The following PPP1R1C variants were observed in gnomAD, a reference collection of about 807,000 sequenced individuals.
PPP1R1C encodes protein phosphatase 1 regulatory subunit 1C.
In PPP1R1C, 15 loss-of-function variants were observed where a neutral mutation model predicts 17.4. That is an observed-to-expected ratio of 0.86 (90% CI 0.58 to 1.33). PPP1R1C has a LOEUF of 1.33. Among genes scored for constraint, PPP1R1C ranks in the 40% most tolerant of loss-of-function variants. PPP1R1C has a pLI of 0.00. For missense variants in PPP1R1C, 143 were observed against 130.0 expected (o/e 1.10, Z -0.48); for synonymous variants, 35 against 43.1 (o/e 0.81, Z 0.73).
chr2:181,955,995 A>G (rs1684663966), intron 1 of PPP1R1C, among the ~76,000 whole-genome samples: 1 of 152,062 alleles, frequency 6.6e-6, no homozygotes, highest in Non-Finnish European at 1.5e-5. Context: ...CCCATCATCT[A>G]TGTTAGGTAT....
chr2:182,008,960 C>A (rs114394821), intron 2 of PPP1R1C, among the ~76,000 whole-genome samples: 389 of 152,188 alleles, frequency 2.6e-3, no homozygotes, highest in African/African-American at 9.0e-3. Context: ...AATGACAGGA[C>A]CTCATTCTTT....
At chr2:181,977,024 G>A (rs1017264002) in intron 2 of PPP1R1C, among the ~76,000 whole-genome samples, 49 of 151,188 alleles carry the variant, frequency 3.2e-4, no homozygotes, top group African/African-American at 1.2e-3. Flanking sequence ...TGTAATCCCA[G>A]CTACCTGGAG....
chr2:182,125,707 A>G (rs1689857242), intron 5 of PPP1R1C, among the ~76,000 whole-genome samples: 1 of 152,032 alleles, frequency 6.6e-6, no homozygotes, highest in African/African-American at 2.4e-5. Context: ...GTATTTTCTG[A>G]TGGTAGTTAA....
intron 2 of PPP1R1C, among the ~76,000 whole-genome samples, chr2:182,023,542 T>A (rs376754065): frequency 1.3e-5 from 2 of 152,180 alleles, no homozygotes; most frequent in African/African-American, 4.8e-5. Flanking sequence ...AATTTTAAAC[T>A]ATAATACTGG....
chr2:182,098,633 G>GA (rs527628081), intron 4 of PPP1R1C, among the ~76,000 whole-genome samples: 3 of 151,554 alleles, frequency 2.0e-5, no homozygotes, highest in African/African-American at 7.3e-5. Flanking sequence ...ATATTTTCTA[G>GA]AAAAAAAATC....
chr2:182,000,629 A>G (rs1685734759), intron 2 of PPP1R1C, among the ~76,000 whole-genome samples: 1 of 152,144 alleles, frequency 6.6e-6, no homozygotes, highest in Non-Finnish European at 1.5e-5. Context: ...TAAGGAAGCT[A>G]ATGAAAGTTT....
intron 2 of PPP1R1C, among the ~76,000 whole-genome samples, chr2:182,030,033 G>A (rs1212763365): frequency 1.1e-4 from 12 of 110,386 alleles, no homozygotes; most frequent in East Asian, 1.0e-3. Flanking sequence ...CATTCTTCAC[G>A]TAGTTCTCGA....
intron 4 of PPP1R1C, among the ~76,000 whole-genome samples, chr2:182,064,396 C>T (rs1389492931): frequency 6.6e-6 from 1 of 152,114 alleles, no homozygotes; most frequent in Non-Finnish European, 1.5e-5. Flanking sequence ...TCTCTTATTT[C>T]TCACACTGAA....
exon 6 of PPP1R1C, chr2:182,129,006 A>C (rs1170429408): frequency 6.6e-6 from 1 of 152,134 alleles, no homozygotes; most frequent in African/African-American, 2.4e-5. Flanking sequence ...CCAGAAGTTG[A>C]CTTGTTAGTG....
chr2:182,074,202 CG>C (rs1688226426), intron 4 of PPP1R1C, among the ~76,000 whole-genome samples: 1 of 151,900 alleles, frequency 6.6e-6, no homozygotes, highest in Non-Finnish European at 1.5e-5. Context: ...CCATCACGCC[CG>C]GCTAATTTTT....
chr2:181,961,184 G>T lies in PPP1R1C; in HGVS notation n.111+6550G>T. 1.2e-6 allele frequency: 1 copy of T among 845,180 alleles called. No individual in the cohort carries two copies. Among genetic ancestry groups the T allele is most frequent in the Non-Finnish European group, 2.0e-6 (1 of 504,088 alleles). 52.4% of individuals were successfully genotyped at this position (845,180 alleles called of 1,614,324 possible). ...TTTATTGACCTCCTGCTCCCCAAAG[G>T]GTACCCTGCTTCTGCTGGCTTGATG... On this transcript the variant is annotated intron_variant and non_coding_transcript_variant, in intron 1 of 5. Transcript: ENST00000464264. The surrounding 1 kb of genome is among the most constrained non-coding windows in gnomAD (Gnocchi z 5.8).
chr2:181,955,659 A>T (rs1274810705), intron 1 of PPP1R1C, among the ~76,000 whole-genome samples: 1 of 152,222 alleles, frequency 6.6e-6, no homozygotes, highest in African/African-American at 2.4e-5. Flanking sequence ...AAACTTGTCC[A>T]TTCTAAAGTA....
chr2:182,034,996 G>A (rs1686959082), intron 2 of PPP1R1C, among the ~76,000 whole-genome samples: 1 of 152,150 alleles, frequency 6.6e-6, no homozygotes, highest in African/African-American at 2.4e-5. Flanking sequence ...TGAAAGAAAG[G>A]ACTGTGTCTG....
At chr2:181,977,231 T>C (rs1685109773) in intron 2 of PPP1R1C, among the ~76,000 whole-genome samples, 1 of 141,546 alleles carries the variant, frequency 7.1e-6, no homozygotes, top group South Asian at 2.5e-4. Context: ...ATATAACTAC[T>C]AGAATTCAGT....
At chr2:182,093,749 C>T (rs1268183337) in intron 4 of PPP1R1C, among the ~76,000 whole-genome samples, 1 of 152,216 alleles carries the variant, frequency 6.6e-6, no homozygotes, top group African/African-American at 2.4e-5. Context: ...TAAGAGTCAC[C>T]TTTGCTCCAA....
chr2:182,108,669 T>C (rs911936334), intron 4 of PPP1R1C, among the ~76,000 whole-genome samples: 1 of 152,232 alleles, frequency 6.6e-6, no homozygotes, highest in Admixed American at 6.5e-5. Flanking sequence ...TTCCCCATCT[T>C]AGTTAATGAT....
chr2:182,103,452 T>C (rs1346314852), intron 4 of PPP1R1C: 1 of 152,174 alleles, frequency 6.6e-6, no homozygotes, highest in African/African-American at 2.4e-5. Context: ...ATGGAGTTTG[T>C]TAAAATCTAT....
intron 2 of PPP1R1C, among the ~76,000 whole-genome samples, 170 bp downstream of exon 2, chr2:181,988,069 A>C (rs190618383): frequency 1.3e-3 from 193 of 152,366 alleles, no homozygotes; most frequent in East Asian, 9.6e-4. Flanking sequence ...TAAATATTAC[A>C]GGAATAATCT....
At chr2:182,122,544 C>A (rs1241373370), downstream of PPP1R1C, among the ~76,000 whole-genome samples, 2 of 151,958 alleles carry the variant, frequency 1.3e-5, no homozygotes, top group Non-Finnish European at 2.9e-5. Context: ...TTTGGAAGCA[C>A]TAGTTTTTTG....
Sources: gnomAD v4.1 joint callset for allele counts (sites outside exome capture counted in the v4.1 genomes callset) on GRCh38, gnomAD v4.1.1 for gene constraint, Gnocchi (gnomAD v3.1) non-coding constraint, MANE v1.5 for transcripts, NCBI Gene and HGNC (gene_info 2026-07-23, HGNC 2026-07-21) for gene names.